SNCB: variants seen among roughly 807,000 people sequenced by gnomAD.
SNCB encodes the protein beta-synuclein.
SNCB carries 8 observed loss-of-function variants against 20.0 expected under a neutral mutation model. The ratio of observed to expected loss-of-function variants is 0.40; its 90% CI spans 0.24 to 0.72. The LOEUF is 0.72. Among genes scored for constraint, SNCB ranks in the 30% least tolerant of loss-of-function variants. The pLI, the probability that SNCB is intolerant of heterozygous loss-of-function variation, is 0.37. For missense variants in SNCB, 125 were observed against 168.0 expected (o/e 0.74, Z 1.41); for synonymous variants, 56 against 65.4 (o/e 0.86, Z 0.69).
rs149031370 is a variant in SNCB at position 176,622,732 on chromosome 5, CTTTTTTTTTTTT to C, written c.283-1441_283-1430del. ...CAGAAGAGCATGGCCTTCATGATGA[CTTTTTTTTTTTT>C]TTTTTTTTTTTTGAGACAGTCTCAC... On this transcript the variant is annotated intron_variant, in intron 4 of 5. Transcript: ENST00000393693. 6.7e-3 allele frequency among the ~76,000 whole-genome samples: 632 copies of C among 93,640 alleles called. 5 individuals carry two copies. The highest frequency in any genetic ancestry group is 0.025 in the African/African-American group (569 of 22,712). 61.4% of individuals were successfully genotyped at this position (93,640 alleles called of 152,430 possible).
rs776615342 is a variant in SNCB, at chr5:176,626,779, G to A, written c.122-18C>T. 8.1e-6 allele frequency: 13 copies of A among 1,613,954 alleles called. No individual in the cohort carries two copies. Among genetic ancestry groups the A allele is most frequent in the South Asian group, 2.2e-5 (2 of 91,092 alleles). On this transcript the variant is annotated intron_variant, in intron 2 of 5. Coordinates refer to ENST00000393693, the MANE Select transcript of SNCB (RefSeq NM_003085.5). This position sits in a 1 kb window ranked among gnomAD's most constrained non-coding sequence, Gnocchi z 4.2. ...CTTGCTTCCTGCAGGGAGAAAAAGCGGCACATTTAAGGACTCTGCGCTGAG... is the reference window on the plus strand; with the variant it reads ...CTTGCTTCCTGCAGGGAGAAAAAGCAGCACATTTAAGGACTCTGCGCTGAG...
At position 176,629,685 on chromosome 5, in the gene SNCB, C is replaced by A. The variant is rs909604499; in HGVS notation, c.-9-22G>T. 17 of 1,609,336 alleles carry A rather than the reference C, an allele frequency of 1.1e-5. No homozygotes were observed. Among genetic ancestry groups the A allele is most frequent in the Non-Finnish European group, 1.2e-5 (14 of 1,177,234 alleles). On this transcript the variant is annotated intron_variant, in intron 1 of 5. Transcript: ENST00000393693. The surrounding 1 kb of genome is among the most constrained non-coding windows in gnomAD (Gnocchi z 4.1). ...CGGCCTGGGGAGGGCGATACACGGG[C>A]ACCGGTGCACTGGCCCCGCACTCTC...
intron 4 of SNCB, among the ~76,000 whole-genome samples, chr5:176,623,467 G>T (rs1477728633): frequency 6.6e-6 from 1 of 152,178 alleles, no homozygotes; most frequent in African/African-American, 2.4e-5. Context: ...GGCTCCTGGA[G>T]TGTAGATGTT....
intron 4 of SNCB, among the ~76,000 whole-genome samples, chr5:176,625,063 C>T (rs966809532): frequency 5.3e-5 from 8 of 152,360 alleles, no homozygotes; most frequent in African/African-American, 9.6e-5. Context: ...GGTCTGCACG[C>T]GTCCATGGAC....
chr5:176,626,663 C>G lies in SNCB; in HGVS notation c.163+57G>C. 1 of 1,601,826 alleles carries G rather than the reference C, an allele frequency of 6.2e-7. No homozygotes were observed. On this transcript the variant is annotated intron_variant, in intron 3 of 5. Coordinates refer to ENST00000393693, the MANE Select transcript of SNCB (RefSeq NM_003085.5). This position sits in a 1 kb window ranked among gnomAD's most constrained non-coding sequence, Gnocchi z 4.2. Reference sequence around the variant, plus strand: ...CTCCCCCGCCCCCGCCCTCTGGTTCCCGGCCAGATCATCCGCCTAAGTGAG... The same window carrying G: ...CTCCCCCGCCCCCGCCCTCTGGTTCGCGGCCAGATCATCCGCCTAAGTGAG...
chr5:176,623,935 C>T (rs575145784), intron 4 of SNCB, among the ~76,000 whole-genome samples: 6 of 152,282 alleles, frequency 3.9e-5, no homozygotes, highest in East Asian at 1.9e-4. Context: ...GCATGGGAAA[C>T]GAGGCTGGTG....
In SNCB at chr5:176,620,881, A is replaced by G; in HGVS notation, c.373-38T>C. ...GATGGGGGTGGAGTAGAGAAGAGCA[A>G]AAAGGAGGAGGAGTTTGAGACCAAG... is the stretch of plus-strand genomic sequence containing the variant. On this transcript the variant is annotated intron_variant, in intron 5 of 5. Transcript: ENST00000393693. The surrounding 1 kb of genome is among the most constrained non-coding windows in gnomAD (Gnocchi z 4.5). 6.2e-7 allele frequency: 1 copy of G among 1,603,546 alleles called. No individual in the cohort carries two copies. The highest frequency in any genetic ancestry group is 8.5e-7 in the Non-Finnish European group (1 of 1,170,448).
rs1197547688 is a variant in SNCB, at chr5:176,621,906, C to T, written c.283-603G>A. Among the ~76,000 whole-genome samples, 7 of 152,374 alleles carry T rather than the reference C, an allele frequency of 4.6e-5. No individual in the cohort carries two copies. Among genetic ancestry groups the T allele is most frequent in the Admixed American group, 3.9e-4 (6 of 15,308 alleles). On this transcript the variant is annotated intron_variant, in intron 4 of 5. Transcript: ENST00000393693. This position sits in a 1 kb window ranked among gnomAD's most constrained non-coding sequence, Gnocchi z 4.1. ...AGACAGGCGCAGACCAGCGGGCATG[C>T]ATGTGGGCGGGCTGCCAGACACATG...
At chr5:176,622,414 C>T (rs548859172) in intron 4 of SNCB, among the ~76,000 whole-genome samples, 4 of 152,142 alleles carry the variant, frequency 2.6e-5, no homozygotes, top group Middle Eastern at 3.4e-3. Context: ...CGCTTGAACC[C>T]GGGAGGCGGA....
At position 176,626,817 on chromosome 5, in the gene SNCB, C is replaced by G. The variant is rs766314946; in HGVS notation, c.122-56G>C. 2.7e-5 allele frequency: 43 copies of G among 1,585,134 alleles called. No individual in the cohort carries two copies. Among genetic ancestry groups the G allele is most frequent in the Non-Finnish European group, 3.7e-5 (43 of 1,153,786 alleles). On this transcript the variant is annotated intron_variant, in intron 2 of 5. Transcript: ENST00000393693. The surrounding 1 kb of genome is among the most constrained non-coding windows in gnomAD (Gnocchi z 4.2). ...ACTCTGCGCTGAGGGAACAGAAACT[C>G]CAGCACAGCATGGTGATTACAGAGT...
At position 176,626,936 on chromosome 5, in the gene SNCB, C is replaced by T. The variant is rs1451341072; in HGVS notation, c.122-175G>A. ...CCCGTCTTATCACTGCACTGGGCCC[C>T]ACACCTCTGTCTGCAAGGGTTGCAG... On this transcript the variant is annotated intron_variant, in intron 2 of 5. Coordinates refer to ENST00000393693, the MANE Select transcript of SNCB (RefSeq NM_003085.5). This position sits in a 1 kb window ranked among gnomAD's most constrained non-coding sequence, Gnocchi z 4.2. Among the ~76,000 whole-genome samples the T allele has an allele frequency of 6.6e-6, 1 of 152,192 alleles. No individual in the cohort carries two copies. Among genetic ancestry groups the T allele is most frequent in the Non-Finnish European group, 1.5e-5 (1 of 68,022 alleles).
In SNCB at chr5:176,620,693, C is replaced by T; in HGVS notation, c.*118G>A. 1.2e-6 allele frequency: 1 copy of T among 807,386 alleles called. No homozygotes were observed. Among genetic ancestry groups the T allele is most frequent in the Non-Finnish European group, 2.2e-6 (1 of 450,122 alleles). The allele number at this position is 807,386 out of a possible 1,614,324, so 50.0% of individuals were successfully genotyped here. On this transcript the variant is annotated 3_prime_UTR_variant, in exon 6 of 6. Transcript: ENST00000393693. The surrounding 1 kb of genome is among the most constrained non-coding windows in gnomAD (Gnocchi z 4.5). ...AACACAGGCTCCGAGGGGGTTGCCT[C>T]AGAGCGGAAGGAAGATCTCGTGATT...
At chr5:176,622,570 C>T (rs1759668524) in intron 4 of SNCB, among the ~76,000 whole-genome samples, 1 of 152,116 alleles carries the variant, frequency 6.6e-6, no homozygotes, top group South Asian at 2.1e-4. Context: ...TGTCCAACAT[C>T]AGTAGAATGG....
At position 176,629,344 on chromosome 5, in the gene SNCB, G is replaced by C. The variant is rs1760182962; in HGVS notation, c.121+190C>G. ...CCCCCACCTCATCAGCCCGCCCCGTGTCCCCATTTCCGGATACAGACCCAG... is the reference window on the plus strand; with the variant it reads ...CCCCCACCTCATCAGCCCGCCCCGTCTCCCCATTTCCGGATACAGACCCAG... On this transcript the variant is annotated intron_variant, in intron 2 of 5. Transcript: ENST00000393693. This position sits in a 1 kb window ranked among gnomAD's most constrained non-coding sequence, Gnocchi z 4.1. The C allele has an allele frequency of 4.8e-6, 3 of 626,938 alleles. No homozygotes were observed. The highest frequency in any genetic ancestry group is 2.8e-6 in the Non-Finnish European group (1 of 360,860). The allele number at this position is 626,938 out of a possible 1,614,324, so 38.8% of individuals were successfully genotyped here.
chr5:176,624,220 C>T (rs945586846), intron 4 of SNCB, among the ~76,000 whole-genome samples: 12 of 152,200 alleles, frequency 7.9e-5, no homozygotes, highest in Non-Finnish European at 1.8e-4. Flanking sequence ...CACCCCAGCT[C>T]GCAGCACTAG....
Position 176,621,130 on chromosome 5 carries a change from T to C in SNCB, c.372+84A>G. On this transcript the variant is annotated intron_variant, in intron 5 of 5. Transcript: ENST00000393693. The surrounding 1 kb of genome is among the most constrained non-coding windows in gnomAD (Gnocchi z 4.1). ...CAAGCTCCCTGGCCCAACCATCTCA[T>C]GCCAGGGATGTCCCACCCCAGCTAG... is the stretch of plus-strand genomic sequence containing the variant. 1 of 1,125,948 alleles carries C rather than the reference T, an allele frequency of 8.9e-7. No homozygotes were observed. The highest frequency in any genetic ancestry group is 1.3e-6 in the Non-Finnish European group (1 of 757,662). The allele number at this position is 1,125,948 out of a possible 1,614,324, so 69.7% of individuals were successfully genotyped here.
chr5:176,622,240 A>G (rs1339998271), intron 4 of SNCB, among the ~76,000 whole-genome samples: 1 of 152,208 alleles, frequency 6.6e-6, no homozygotes, highest in Non-Finnish European at 1.5e-5. Context: ...ACAGATGCGT[A>G]TGCCAAGGCC....
At position 176,626,419 on chromosome 5, in the gene SNCB, C is replaced by T. The variant is rs2113401086; in HGVS notation, c.261G>A (p.Glu87=). The T allele has an allele frequency of 6.2e-7, 1 of 1,610,938 alleles. No homozygotes were observed. Among genetic ancestry groups the T allele is most frequent in the Non-Finnish European group, 8.5e-7 (1 of 1,177,302 alleles). The change falls in exon 4 of 6, where the codon GAG becomes GAA. Residue 87 remains glutamate, a synonymous_variant. Coordinates refer to ENST00000393693, the MANE Select transcript of SNCB (RefSeq NM_003085.5). This position sits in a 1 kb window ranked among gnomAD's most constrained non-coding sequence, Gnocchi z 4.2. ...IAAATGLVKR[E]EFPTDLKPEE... is the part of the protein sequence containing the mutation. ...TTACCTTCAGATCAGTAGGGAATTCCTCCCTCTTCACCAGTCCTGTGGCTG... is the reference window on the plus strand; with the variant it reads ...TTACCTTCAGATCAGTAGGGAATTCTTCCCTCTTCACCAGTCCTGTGGCTG...
Position 176,626,872 on chromosome 5 carries a change from G to T in SNCB, c.122-111C>A. 5.4e-6 allele frequency: 6 copies of T among 1,116,036 alleles called. No homozygotes were observed. The highest frequency in any genetic ancestry group is 1.7e-5 in the Admixed American group (1 of 58,470). The allele number at this position is 1,116,036 out of a possible 1,614,324, so 69.1% of individuals were successfully genotyped here. On this transcript the variant is annotated intron_variant, in intron 2 of 5. Coordinates refer to ENST00000393693, the MANE Select transcript of SNCB (RefSeq NM_003085.5). The surrounding 1 kb of genome is among the most constrained non-coding windows in gnomAD (Gnocchi z 4.2). The stretch of plus-strand genomic sequence containing the variant: ...ATCCTGGCCCCGTCACTGCCTCCTT[G>T]GGTCCCCACATCCTACAACCTGCAC...
Sources: gnomAD v4.1 joint callset for allele counts (sites outside exome capture counted in the v4.1 genomes callset) on GRCh38, gnomAD v4.1.1 for gene constraint, Gnocchi (gnomAD v3.1) non-coding constraint, MANE v1.5 for transcripts, NCBI Gene and HGNC (gene_info 2026-07-23, HGNC 2026-07-21) for gene names.